Variants in ARHGEF16 observed in about 807,000 individuals in gnomAD.
ARHGEF16 encodes Rho guanine exchange factor (GEF) 16.
ARHGEF16 carries 59 observed loss-of-function variants against 74.1 expected under a neutral mutation model. The ratio of observed to expected loss-of-function variants is 0.80; its 90% confidence interval spans 0.65 to 0.99. The LOEUF (loss-of-function observed/expected upper bound fraction) is 0.99. Among genes scored for constraint, ARHGEF16 ranks in the 50% least tolerant of loss-of-function variants. The probability of loss-of-function intolerance (pLI) is 0.00; values close to 1 mark genes in which losing one functional copy is unlikely to be tolerated. For missense variants in ARHGEF16, 948 were observed against 986.6 expected (o/e 0.96, Z 0.52); for synonymous variants, 415 against 412.6 (o/e 1.01, Z -0.07).
intron 12 of ARHGEF16, among the ~76,000 whole-genome samples, chr1:3,479,151 C>G (rs577507786): frequency 3.2e-4 from 49 of 152,342 alleles, no homozygotes; most frequent in Non-Finnish European, 6.2e-4. Flanking sequence ...GCGCCAGTCT[C>G]CATATTCCCT....
intron 2 of ARHGEF16, among the ~76,000 whole-genome samples, chr1:3,464,883 C>T (rs1216963584): frequency 6.6e-6 from 1 of 152,200 alleles, no homozygotes; most frequent in East Asian, 1.9e-4. Flanking sequence ...GCAGTGCCAG[C>T]CTCAGGAGAC....
intron 5 of ARHGEF16, 31 bp downstream of exon 5, chr1:3,468,967 C>G (rs1432356469): frequency 6.5e-7 from 1 of 1,548,824 alleles, no homozygotes; most frequent in African/African-American, 1.4e-5. Context: ...AGGGCTGTCC[C>G]CCATGGCCTG....
Position 3,463,436 on chromosome 1 carries a change from G to A in ARHGEF16, c.352G>A (p.Ala118Thr), listed in dbSNP as rs769511866. ...GGCGGCTGTACTTAGCAGGGAGGCC[G>A]CCCGGCGGGACCCTAAGCTCCTCCC... Reference protein sequence around the residue: ...FGAAVLSREAARRDPKLLPAP... With the variant: ...FGAAVLSREATRRDPKLLPAP... The change falls in exon 2 of 15, where the codon GCC becomes ACC. Residue 118 changes from alanine (A) to threonine (T), a missense_variant. Coordinates refer to ENST00000378378, the MANE Select transcript of ARHGEF16 (RefSeq NM_014448.4). 1.2e-5 allele frequency: 18 copies of A among 1,546,412 alleles called. No individual in the cohort carries two copies. The highest frequency in any genetic ancestry group is 8.4e-5 in the South Asian group (7 of 83,816).
rs574552924 is a variant in ARHGEF16 at position 3,478,522 on chromosome 1, G to A, written c.1724G>A (p.Arg575His). 18 of 1,612,642 alleles carry A rather than the reference G, an allele frequency of 1.1e-5. No individual in the cohort carries two copies. The Admixed American group carries it at 1.3e-4, about 12-fold the overall frequency. ...SELPLPGGGN[R>H]SSSVPHPFQV... ...CTCCCTCTGCCCGGGGGCGGCAACC[G>A]TAGCTCCTCCGTGCCCCACCCCTTC... Residue 575 changes from arginine (R) to histidine (H), a missense_variant, in exon 12 of 15, where the codon CGT becomes CAT. By Grantham distance (29) the Arg-to-His change is conservative. Transcript: ENST00000378378.
intron 1 of ARHGEF16, among the ~76,000 whole-genome samples, chr1:3,462,179 G>A (rs1451535450): frequency 6.6e-6 from 1 of 152,186 alleles, no homozygotes; most frequent in Non-Finnish European, 1.5e-5. Flanking sequence ...GCTGGGGGGT[G>A]TACGTGGGAC....
At chr1:3,455,051 A>G (rs1639235360) in intron 1 of ARHGEF16, among the ~76,000 whole-genome samples, 1 of 132,884 alleles carries the variant, frequency 7.5e-6, no homozygotes, top group African/African-American at 2.9e-5. Flanking sequence ...GCCCCCCCAC[A>G]CACACCAGGC....
chr1:3,479,692 G>A, intron 13 of ARHGEF16, 102 bp downstream of exon 13: 1 of 1,561,790 alleles, frequency 6.4e-7, no homozygotes, highest in Non-Finnish European at 8.7e-7. Context: ...TTGTGCTGGG[G>A]CCTGGCAGTC....
At chr1:3,457,633 T>G (rs895209823) in intron 1 of ARHGEF16, among the ~76,000 whole-genome samples, 2 of 152,094 alleles carry the variant, frequency 1.3e-5, no homozygotes, top group Non-Finnish European at 2.9e-5. Flanking sequence ...GGGTCCGAGA[T>G]CCAGCAGATC....
In ARHGEF16 at chr1:3,479,916, G is replaced by C; in HGVS notation, c.1990+3G>C. On this transcript the variant is annotated splice_donor_region_variant and intron_variant, in intron 14 of 14. Transcript: ENST00000378378. ...CCTGGTTCTGCAGCAGGAGGATGGT[G>C]AGTGCAGGGGCGTTGGGCACAGATG... is the stretch of plus-strand genomic sequence containing the variant. The C allele has an allele frequency of 6.2e-7, 1 of 1,612,020 alleles. No homozygotes were observed. Among genetic ancestry groups the C allele is most frequent in the Non-Finnish European group, 8.5e-7 (1 of 1,179,792 alleles).
intron 6 of ARHGEF16, chr1:3,472,868 G>A (rs1307218017): frequency 2.4e-6 from 1 of 408,844 alleles, no homozygotes; most frequent in African/African-American, 2.1e-5. Context: ...CCAGGCCTCT[G>A]ACCACTTCCC....
chr1:3,473,260 TG>T (rs753481075), intron 7 of ARHGEF16, 30 bp downstream of exon 7: 13 of 1,608,640 alleles, frequency 8.1e-6, no homozygotes, highest in Non-Finnish European at 1.1e-5. Flanking sequence ...GCCCGCAGGG[TG>T]GCTCAGGAGC....
At chr1:3,470,315 T>G (rs894790486) in intron 6 of ARHGEF16, among the ~76,000 whole-genome samples, 6 of 129,266 alleles carry the variant, frequency 4.6e-5, no homozygotes, top group African/African-American at 1.9e-4. Context: ...TCTGCACGGG[T>G]GTGTCTGCAC....
chr1:3,472,700 G>T, intron 6 of ARHGEF16: 1 of 175,172 alleles, frequency 5.7e-6, no homozygotes, highest in Non-Finnish European at 1.2e-5. Flanking sequence ...CGTTTTAGCT[G>T]GAAGGAGCTT....
At chr1:3,477,317 A>ACCCACCCCATCACCCCCACGCTG (rs1639909750) in intron 10 of ARHGEF16, among the ~76,000 whole-genome samples, 1 of 142,144 alleles carries the variant, frequency 7.0e-6, no homozygotes, top group Non-Finnish European at 1.6e-5. Context: ...CCCCCACACT[A>ACCCACCCCATCACCCCCACGCTG]CCCACCCCAT....
intron 11 of ARHGEF16, 126 bp from the exon 12 acceptor site, chr1:3,478,298 C>A: frequency 8.8e-7 from 1 of 1,136,904 alleles, no homozygotes; most frequent in Non-Finnish European, 1.3e-6. Flanking sequence ...CGCGGGAACT[C>A]TTGGAGCCCG....
intron 4 of ARHGEF16, among the ~76,000 whole-genome samples, chr1:3,468,083 TAGAA>T (rs1639598131): frequency 6.6e-6 from 1 of 152,114 alleles, no homozygotes; most frequent in South Asian, 2.1e-4. Context: ...TCCCCACAGA[TAGAA>T]AGGCCTAGAA....
At chr1:3,461,597 G>T (rs947024364) in intron 1 of ARHGEF16, among the ~76,000 whole-genome samples, 2 of 152,218 alleles carry the variant, frequency 1.3e-5, no homozygotes, top group African/African-American at 4.8e-5. Context: ...AAGTGCCCAG[G>T]GGGGTTGCAA....
rs1388688185 is a variant in ARHGEF16 at position 3,477,905 on chromosome 1, C to T, written c.1504C>T (p.Leu502=). 3 of 1,612,568 alleles carry T rather than the reference C, an allele frequency of 1.9e-6. No individual in the cohort carries two copies. Among genetic ancestry groups the T allele is most frequent in the Non-Finnish European group, 2.5e-6 (3 of 1,179,916 alleles). ...SLPLISASRW[L]LKRGELFLVE... is the part of the protein sequence containing the mutation. ...CCCACTGATCTCTGCCTCCCGGTGG[C>T]TGCTGAAGCGCGGAGAGCTGTTCTT... The change falls in exon 11 of 15, where the codon CTG becomes TTG. Residue 502 remains leucine, a synonymous_variant. Transcript: ENST00000378378.
Position 3,467,226 on chromosome 1 carries a change from TGAC to T in ARHGEF16, c.697_699del (p.Asp233del). 1 of 1,550,644 alleles carries T rather than the reference TGAC, an allele frequency of 6.4e-7. No homozygotes were observed. The highest frequency in any genetic ancestry group is 8.7e-7 in the Non-Finnish European group (1 of 1,146,898). ...GCCTGAACACCAGCCAGGAGTCTGA[TGAC>T]GACATCCTCGATGAGTCCTCCAGCC... On this transcript the variant is annotated inframe_deletion, in exon 4 of 15. Coordinates refer to ENST00000378378, the MANE Select transcript of ARHGEF16 (RefSeq NM_014448.4).
Sources: gnomAD v4.1 joint callset for allele counts (sites outside exome capture counted in the v4.1 genomes callset) on GRCh38, gnomAD v4.1.1 for gene constraint, MANE v1.5 for transcripts, NCBI Gene and HGNC (gene_info 2026-07-23, HGNC 2026-07-21) for gene names.